ILRUN: variants seen among roughly 807,000 people sequenced by gnomAD.
ILRUN encodes the protein inflammation and lipid regulator with UBA-like and NBR1-like domains.
A neutral mutation model predicts 33.8 loss-of-function variants in ILRUN; 3 were observed. That is an observed-to-expected ratio of 0.09 (90% confidence interval 0.04 to 0.23). The LOEUF (loss-of-function observed/expected upper bound fraction) is 0.23, where lower values mean the gene tolerates loss of function less well. ILRUN is among the 10% of genes least tolerant of loss of function. The pLI is 1.00. For missense variants in ILRUN, 210 were observed against 375.1 expected, an observed-to-expected ratio of 0.56 and a Z score of 3.64; for synonymous variants, 124 against 138.9, an observed-to-expected ratio of 0.89 and a Z score of 0.75.
At chr6:34,637,801 G>C (rs775832773) in intron 3 of ILRUN, among the ~76,000 whole-genome samples, 1 of 152,042 alleles carries the variant, frequency 6.6e-6, no homozygotes, top group African/African-American at 2.4e-5. Context: ...GCATTTTAGA[G>C]GTTAATCTGA....
chr6:34,670,358 G>A (rs1368325781), intron 1 of ILRUN, among the ~76,000 whole-genome samples: 2 of 152,082 alleles, frequency 1.3e-5, no homozygotes, highest in Non-Finnish European at 2.9e-5. Context: ...GGTTGCAGAT[G>A]GATAAACTTA....
chr6:34,679,525 AATCAT>A (rs1763311391), intron 1 of ILRUN, among the ~76,000 whole-genome samples: 1 of 152,246 alleles, frequency 6.6e-6, no homozygotes, highest in African/African-American at 2.4e-5. Flanking sequence ...AAAGATTATT[AATCAT>A]ATCTATGTAA....
At chr6:34,658,395 T>C (rs1762818729) in intron 1 of ILRUN, among the ~76,000 whole-genome samples, 1 of 150,844 alleles carries the variant, frequency 6.6e-6, no homozygotes, top group Non-Finnish European at 1.5e-5. Flanking sequence ...ACACTGCCAA[T>C]ATAGTTAATG....
chr6:34,693,697 C>G (rs1319250585), intron 1 of ILRUN, among the ~76,000 whole-genome samples: 2 of 137,936 alleles, frequency 1.4e-5, no homozygotes, highest in African/African-American at 5.4e-5. Context: ...GACGGAGTCT[C>G]GGTCTGTTGC....
At chr6:34,677,719 T>C (rs2127381863) in intron 1 of ILRUN, among the ~76,000 whole-genome samples, 1 of 151,888 alleles carries the variant, frequency 6.6e-6, no homozygotes, top group South Asian at 2.1e-4. Flanking sequence ...GATGCTGAGG[T>C]GGGAAGATTG....
At chr6:34,666,502 A>G (rs993686371) in intron 1 of ILRUN, among the ~76,000 whole-genome samples, 1 of 152,194 alleles carries the variant, frequency 6.6e-6, no homozygotes, top group Non-Finnish European at 1.5e-5. Flanking sequence ...CAGAGGTTGC[A>G]GTGAGCCAAG....
rs1231920588 is a variant in ILRUN, at chr6:34,592,609, T to C, written c.862-2009A>G. 6.6e-6 allele frequency among the ~76,000 whole-genome samples: 1 copy of C among 152,240 alleles called. No homozygotes were observed. Among genetic ancestry groups the C allele is most frequent in the Non-Finnish European group, 1.5e-5 (1 of 68,052 alleles). Reference sequence around the variant, plus strand: ...TTTTTATTTTTTATTTTTATTTTTTTCAAGACAGAGTCAAGTGCTGGGATT... The same window carrying C: ...TTTTTATTTTTTATTTTTATTTTTTCCAAGACAGAGTCAAGTGCTGGGATT... On this transcript the variant is annotated intron_variant, in intron 4 of 4. Coordinates refer to ENST00000374023, the MANE Select transcript of ILRUN (RefSeq NM_024294.4). The surrounding 1 kb of genome is among the most constrained non-coding windows in gnomAD (Gnocchi z 4.0).
chr6:34,656,197 T>C (rs963920617), intron 1 of ILRUN, among the ~76,000 whole-genome samples: 16 of 147,224 alleles, frequency 1.1e-4, no homozygotes, highest in Admixed American at 2.8e-4. Flanking sequence ...GATAGCACCA[T>C]TGCACTCCAG....
intron 3 of ILRUN, among the ~76,000 whole-genome samples, chr6:34,616,247 T>C (rs1037704350): frequency 6.6e-6 from 1 of 152,252 alleles, no homozygotes; most frequent in African/African-American, 2.4e-5. Flanking sequence ...AGGAAGATTA[T>C]GGTGGAGGCC....
intron 3 of ILRUN, among the ~76,000 whole-genome samples, chr6:34,630,411 G>A (rs950052272): frequency 1.3e-5 from 2 of 152,180 alleles, no homozygotes; most frequent in African/African-American, 4.8e-5. Context: ...TTGAAACAGA[G>A]TCTCACTCTG....
At chr6:34,683,062 A>C (rs1319011225) in intron 1 of ILRUN, among the ~76,000 whole-genome samples, 1 of 151,940 alleles carries the variant, frequency 6.6e-6, no homozygotes, top group African/African-American at 2.4e-5. Flanking sequence ...CCCAACAAAA[A>C]AAAAACAAAA....
chr6:34,687,465 G>C (rs1041735654), intron 1 of ILRUN, among the ~76,000 whole-genome samples: 2 of 152,000 alleles, frequency 1.3e-5, no homozygotes, highest in Non-Finnish European at 2.9e-5. Flanking sequence ...GGAGGCCAAA[G>C]CAGGCAGGTC....
At chr6:34,635,612 C>CTTTTT (rs778064465) in intron 3 of ILRUN, among the ~76,000 whole-genome samples, 10 of 104,572 alleles carry the variant, frequency 9.6e-5, no homozygotes, top group Admixed American at 2.2e-4. Flanking sequence ...TCTTAGAAAG[C>CTTTTT]TTTTTTTTTT....
chr6:34,649,256 A>C (rs1225734208), intron 2 of ILRUN, among the ~76,000 whole-genome samples: 1 of 152,216 alleles, frequency 6.6e-6, no homozygotes, highest in Admixed American at 6.5e-5. Flanking sequence ...CGTAACTCTG[A>C]AAAGGTCAAA....
In ILRUN at chr6:34,599,768, A is replaced by G. The variant is rs556068679; in HGVS notation, c.861+6787T>C. 2.6e-5 allele frequency among the ~76,000 whole-genome samples: 4 copies of G among 152,308 alleles called. No individual in the cohort carries two copies. In the South Asian group the frequency reaches 6.2e-4, roughly 24 times the overall value. ...ATGCAACAGCCCACTTGACACCTCC[A>G]TTTAGATGTTTATATAAATATCCAA... On this transcript the variant is annotated intron_variant, in intron 4 of 4. Coordinates refer to ENST00000374023, the MANE Select transcript of ILRUN (RefSeq NM_024294.4).
chr6:34,627,865 G>A (rs4512215), intron 3 of ILRUN, among the ~76,000 whole-genome samples: 4,212 of 151,260 alleles, frequency 0.028, 175 homozygotes, highest in African/African-American at 0.093. Context: ...CACCATACCC[G>A]GCTAATTTTT....
intron 3 of ILRUN, among the ~76,000 whole-genome samples, chr6:34,633,381 C>A (rs979281541): frequency 2.0e-5 from 3 of 152,092 alleles, no homozygotes; most frequent in Admixed American, 6.5e-5. Flanking sequence ...AACTAGTAAA[C>A]AACAACAAAA....
intron 4 of ILRUN, among the ~76,000 whole-genome samples, chr6:34,596,892 T>TACA (rs991354248): frequency 1.3e-5 from 2 of 152,182 alleles, no homozygotes; most frequent in Non-Finnish European, 2.9e-5. Flanking sequence ...AACTAACCTC[T>TACA]ACAGTCCTGT....
chr6:34,607,254 T>C (rs1303906258), intron 3 of ILRUN, among the ~76,000 whole-genome samples: 2 of 152,124 alleles, frequency 1.3e-5, no homozygotes, highest in East Asian at 1.9e-4. Context: ...TTCCTAGAAT[T>C]GGTATCTCTT....
Sources: allele counts gnomAD v4.1 joint callset (sites outside exome capture counted in the v4.1 genomes callset), GRCh38; gene constraint gnomAD v4.1.1; non-coding constraint Gnocchi (gnomAD v3.1); transcripts MANE v1.5; gene names NCBI Gene and HGNC (gene_info 2026-07-23, HGNC 2026-07-21).